CSNK1A1: variants seen among roughly 807,000 people sequenced by gnomAD.
CSNK1A1 encodes casein kinase I isoform alpha.
A neutral mutation model predicts 46.1 loss-of-function variants in CSNK1A1; 7 were observed. The ratio of observed to expected loss-of-function variants is 0.15; its 90% CI spans 0.09 to 0.29. CSNK1A1 has a LOEUF of 0.29. Among genes scored for constraint, CSNK1A1 ranks in the 10% least tolerant of loss-of-function variants. The pLI is 1.00. For missense variants in CSNK1A1, 96 were observed against 417.1 expected (o/e 0.23, Z 6.71); for synonymous variants, 137 against 141.5 (o/e 0.97, Z 0.23).
chr5:149,544,471 T>C lies in CSNK1A1; in HGVS notation c.230+5604A>G, dbSNP rs150811166. ...TGAGCTCAGGAATGCAAGACCAGTC[T>C]GGGCAATATAGCAAGAGCCCATCTA... On this transcript the variant is annotated intron_variant, in intron 2 of 9. Coordinates refer to ENST00000377843, the MANE Select transcript of CSNK1A1 (RefSeq NM_001892.6). 5.5e-3 allele frequency among the ~76,000 whole-genome samples: 819 copies of C among 150,226 alleles called. 11 individuals are homozygous for C. Among genetic ancestry groups the C allele is most frequent in the Non-Finnish European group, 4.5e-3 (303 of 67,848 alleles).
At chr5:149,515,223 T>C (rs866538919) in intron 4 of CSNK1A1, among the ~76,000 whole-genome samples, 2 of 152,220 alleles carry the variant, frequency 1.3e-5, no homozygotes, top group Non-Finnish European at 2.9e-5. Context: ...TCACATTTTC[T>C]AGGATTGCTT....
chr5:149,504,101 A>C (rs1760954819), intron 9 of CSNK1A1: 7 of 985,450 alleles, frequency 7.1e-6, no homozygotes, highest in Non-Finnish European at 7.2e-6. Context: ...AAAACACTCA[A>C]AAGGAGCAAC....
At chr5:149,507,247 T>C (rs1761061895) in intron 7 of CSNK1A1, 114 bp from the exon 8 acceptor site, 2 of 759,144 alleles carry the variant, frequency 2.6e-6, no homozygotes, top group African/African-American at 1.8e-5. Flanking sequence ...TACCATTTCA[T>C]AGGAAGATAT....
intron 9 of CSNK1A1, among the ~76,000 whole-genome samples, chr5:149,500,398 A>G (rs1170641147): frequency 1.3e-5 from 2 of 151,972 alleles, no homozygotes; most frequent in Non-Finnish European, 2.9e-5. Flanking sequence ...CGGCCTCCCA[A>G]ACTGCTGGGA....
In CSNK1A1 at chr5:149,496,805, ATGC is replaced by A. The variant is rs777162478; in HGVS notation, c.*45_*47del. 4 of 1,552,956 alleles carry A rather than the reference ATGC, an allele frequency of 2.6e-6. No individual in the cohort carries two copies. In the African/African-American group the frequency reaches 4.1e-5, roughly 16 times the overall value. On this transcript the variant is annotated 3_prime_UTR_variant, in exon 10 of 10. Coordinates refer to ENST00000377843, the MANE Select transcript of CSNK1A1 (RefSeq NM_001892.6). ...AATTTCTAGATTTGGGGAGAAACAA[ATGC>A]TGCTCCGATCATCTGCTCTGCTTCT... is the stretch of plus-strand genomic sequence containing the variant.
At chr5:149,510,174 G>T (rs1286536966) in intron 6 of CSNK1A1, among the ~76,000 whole-genome samples, 1 of 152,214 alleles carries the variant, frequency 6.6e-6, no homozygotes, top group African/African-American at 2.4e-5. Context: ...TAGCTATAGG[G>T]AAAGGGTGAG....
At chr5:149,519,147 A>G (rs886781045) in intron 4 of CSNK1A1, among the ~76,000 whole-genome samples, 7 of 152,182 alleles carry the variant, frequency 4.6e-5, no homozygotes, top group African/African-American at 1.4e-4. Flanking sequence ...TCATTATTTA[A>G]AGCTCAACAA....
At chr5:149,536,507 AAAAAG>A (rs1158909396) in intron 2 of CSNK1A1, among the ~76,000 whole-genome samples, 2 of 152,246 alleles carry the variant, frequency 1.3e-5, no homozygotes, top group Admixed American at 6.5e-5. Flanking sequence ...AAATGAATAC[AAAAAG>A]AAAACAATGA....
chr5:149,535,264 T>A (rs1398732345), intron 2 of CSNK1A1, among the ~76,000 whole-genome samples: 1 of 152,256 alleles, frequency 6.6e-6, no homozygotes, highest in Non-Finnish European at 1.5e-5. Context: ...CCTCTCAATT[T>A]ACTTTCTCCA....
At chr5:149,545,744 T>C (rs1762458873) in intron 2 of CSNK1A1, 1 of 639,258 alleles carries the variant, frequency 1.6e-6, no homozygotes, top group Non-Finnish European at 2.9e-6. Flanking sequence ...GAGCCCACCA[T>C]TTCTGTGCCA....
At chr5:149,549,586 A>C in intron 2 of CSNK1A1, 2 of 678,082 alleles carry the variant, frequency 2.9e-6, no homozygotes, top group Admixed American at 4.1e-5. Context: ...GGGTTGAGTC[A>C]CGTCGTTCCG....
At chr5:149,512,643 T>A (rs1409460158) in intron 5 of CSNK1A1, among the ~76,000 whole-genome samples, 1 of 152,214 alleles carries the variant, frequency 6.6e-6, no homozygotes, top group Non-Finnish European at 1.5e-5. Flanking sequence ...TAACAGGAGA[T>A]GGTCCATCAA....
chr5:149,545,127 G>C (rs1415993643), intron 2 of CSNK1A1, among the ~76,000 whole-genome samples: 1 of 151,698 alleles, frequency 6.6e-6, no homozygotes, highest in East Asian at 1.9e-4. Context: ...GTTACACTTG[G>C]ATTCCTGACT....
At chr5:149,541,453 C>T (rs1176203233) in intron 2 of CSNK1A1, among the ~76,000 whole-genome samples, 1 of 151,950 alleles carries the variant, frequency 6.6e-6, no homozygotes, top group Admixed American at 6.6e-5. Flanking sequence ...CTACCACACC[C>T]GGCCAGTCAA....
Position 149,551,146 on chromosome 5 carries a change from G to A in CSNK1A1, c.-182C>T. On this transcript the variant is annotated 5_prime_UTR_variant, in exon 1 of 10. Coordinates refer to ENST00000377843, the MANE Select transcript of CSNK1A1 (RefSeq NM_001892.6). ...AGGGGAACCTGATCACCGCCGCTCA[G>A]TCAGGTTTCTTTTTGCCAGGCCGCA... 1 of 539,216 alleles carries A rather than the reference G, an allele frequency of 1.9e-6. No homozygotes were observed. Among genetic ancestry groups the A allele is most frequent in the Non-Finnish European group, 3.2e-6 (1 of 312,404 alleles). 33.4% of individuals were successfully genotyped at this position (539,216 alleles called of 1,614,324 possible). A position where few individuals can be genotyped will look rare whatever the true frequency, so the allele number is the denominator to read the frequency against.
chr5:149,522,179 C>T (rs1046865579), intron 3 of CSNK1A1, among the ~76,000 whole-genome samples: 1 of 152,154 alleles, frequency 6.6e-6, no homozygotes, highest in African/African-American at 2.4e-5. Flanking sequence ...GAGATCACGG[C>T]TCACAGCAGC....
At chr5:149,523,045 C>CTTT (rs35068425) in intron 3 of CSNK1A1, among the ~76,000 whole-genome samples, 1,927 of 145,560 alleles carry the variant, frequency 0.013, 43 homozygotes, top group African/African-American at 0.044. Flanking sequence ...ATATTAAAGG[C>CTTT]TTTTTTTTTT....
At chr5:149,549,268 C>A (rs994921798) in intron 2 of CSNK1A1, 1 of 526,378 alleles carries the variant, frequency 1.9e-6, no homozygotes, top group African/African-American at 1.9e-5. Context: ...ACTGCCTTTG[C>A]CACTACCTAT....
chr5:149,509,226 A>T (rs1445830527), intron 7 of CSNK1A1, among the ~76,000 whole-genome samples: 1 of 151,944 alleles, frequency 6.6e-6, no homozygotes, highest in Non-Finnish European at 1.5e-5. Context: ...CTAGCAAAAC[A>T]CTTATTTAAA....
Sources: allele counts gnomAD v4.1 joint callset (sites outside exome capture counted in the v4.1 genomes callset), GRCh38; gene constraint gnomAD v4.1.1; transcripts MANE v1.5; gene names NCBI Gene and HGNC (gene_info 2026-07-23, HGNC 2026-07-21).